Variants in LY9 observed in about 807,000 individuals in gnomAD.
The protein encoded by LY9 is T-lymphocyte surface antigen Ly-9.
LY9 carries 59 observed loss-of-function variants against 64.6 expected under a neutral mutation model. That is an observed-to-expected ratio of 0.91 (90% CI 0.74 to 1.13). The LOEUF (loss-of-function observed/expected upper bound fraction) is 1.13, where lower values mean the gene tolerates loss of function less well. Among genes scored for constraint, LY9 ranks in the 50% most tolerant of loss-of-function variants. The probability of loss-of-function intolerance (pLI) is 0.00; values close to 1 mark genes in which losing one functional copy is unlikely to be tolerated. For missense variants in LY9, 789 were observed against 797.2 expected (o/e 0.99, Z 0.12); for synonymous variants, 281 against 308.5 (o/e 0.91, Z 0.93).
intron 7 of LY9, among the ~76,000 whole-genome samples, chr1:160,820,699 C>T (rs1400691462): frequency 6.6e-6 from 1 of 152,098 alleles, no homozygotes; most frequent in Non-Finnish European, 1.5e-5. Context: ...GGGCCACCAC[C>T]ACCTCCCTAC....
At chr1:160,824,998 A>G (rs956740060) in intron 9 of LY9, among the ~76,000 whole-genome samples, 1 of 151,434 alleles carries the variant, frequency 6.6e-6, no homozygotes. Flanking sequence ...AAAAAAAAAA[A>G]AAATTCCCAG....
In LY9 at chr1:160,816,805, A is replaced by G. The variant is rs143833717; in HGVS notation, c.1284A>G (p.Thr428=). ...SSENHPNLTC[T]ASNPVSRSSH... ...AAAATCACCCCAACCTCACATGCAC[A>G]GCCAGCAACCCTGTCAGCAGGAGTT... The change falls in exon 5 of 10, where the codon ACA becomes ACG. Residue 428 remains threonine, a synonymous_variant. Transcript: ENST00000263285. 1.9e-6 allele frequency: 3 copies of G among 1,614,126 alleles called. No individual in the cohort carries two copies. Among genetic ancestry groups the G allele is most frequent in the Non-Finnish European group, 2.5e-6 (3 of 1,180,056 alleles).
intron 2 of LY9, chr1:160,802,893 T>C (rs1666638558): frequency 6.4e-6 from 1 of 155,964 alleles, no homozygotes. Context: ...TACAGTATAC[T>C]GAAGTCGAGT....
In LY9 at chr1:160,799,976, G is replaced by A. The variant is rs1666289842; in HGVS notation, c.348G>A (p.Leu116=). The change falls in exon 2 of 10, where the codon CTG becomes CTA. Residue 116 remains leucine, a synonymous_variant. Coordinates refer to ENST00000263285, the MANE Select transcript of LY9 (RefSeq NM_002348.4). ...ACATCACCAAGTGGAGTTACTCCCT[G>A]TGCATCAGCAATCTGACTCTGAATG... The part of the protein sequence containing the change: ...RLDITKWSYS[L]CISNLTLNDA... 1.2e-6 allele frequency: 2 copies of A among 1,614,132 alleles called. No individual in the cohort carries two copies. Among genetic ancestry groups the A allele is most frequent in the East Asian group, 4.5e-5 (2 of 44,884 alleles).
intron 9 of LY9, among the ~76,000 whole-genome samples, chr1:160,825,781 G>T (rs910678516): frequency 6.6e-6 from 1 of 152,002 alleles, no homozygotes; most frequent in Non-Finnish European, 1.5e-5. Context: ...GTGGTGGCAG[G>T]CACCTGTAAT....
intron 2 of LY9, among the ~76,000 whole-genome samples, chr1:160,803,031 CA>C (rs1335183990): frequency 6.6e-6 from 1 of 152,008 alleles, no homozygotes; most frequent in Non-Finnish European, 1.5e-5. Context: ...CCCGTAATCC[CA>C]ACACTTTGGG....
rs778407645 is a variant in LY9 at position 160,814,609 on chromosome 1, A to G, written c.920A>G (p.Asp307Gly). ...GCAGATCCACTCATTAAATCCAGGG[A>G]TCCTTACAAGAACAGGGTGTGGGTC... is the stretch of plus-strand genomic sequence containing the variant. ...ATADPLIKSRDPYKNRVWVSS... is the reference protein window; with the variant it reads ...ATADPLIKSRGPYKNRVWVSS... Residue 307 changes from aspartate to glycine, a missense_variant, in exon 4 of 10, where the codon GAT (aspartate) becomes GGT (glycine). Transcript: ENST00000263285. 3.1e-6 allele frequency: 5 copies of G among 1,614,116 alleles called. No individual in the cohort carries two copies. The highest frequency in any genetic ancestry group is 2.2e-5 in the East Asian group (1 of 44,874).
At chr1:160,798,595 C>T (rs1666126729) in intron 1 of LY9, among the ~76,000 whole-genome samples, 2 of 152,132 alleles carry the variant, frequency 1.3e-5, no homozygotes, top group Admixed American at 6.5e-5. Flanking sequence ...TCCAGGATCC[C>T]TAGCCCTGCA....
At chr1:160,818,609 A>G (rs1217487037) in intron 6 of LY9, among the ~76,000 whole-genome samples, 1 of 152,308 alleles carries the variant, frequency 6.6e-6, no homozygotes, top group African/African-American at 2.4e-5. Flanking sequence ...TAGAGCTGGC[A>G]TAATGGAGAA....
intron 9 of LY9, chr1:160,824,562 C>A (rs1489174827): frequency 1.4e-5 from 14 of 984,728 alleles, no homozygotes; most frequent in East Asian, 1.1e-4. Context: ...CTATCTCTAA[C>A]CCTAATCCTA....
At position 160,814,683 on chromosome 1, in the gene LY9, G is replaced by T. The variant is rs752635349; in HGVS notation, c.994G>T (p.Ala332Ser). 1.1e-5 allele frequency: 17 copies of T among 1,614,146 alleles called. No individual in the cohort carries two copies. The highest frequency in any genetic ancestry group is 1.4e-5 in the Non-Finnish European group (17 of 1,180,006). Residue 332 changes from alanine to serine, a missense_variant, in exon 4 of 10, where the codon GCC becomes TCC. Physicochemically the swap from Ala to Ser is moderately conservative, Grantham distance 99 (BLOSUM62 1). Coordinates refer to ENST00000263285, the MANE Select transcript of LY9 (RefSeq NM_002348.4). ...LKISQLKIED[A>S]GPYHAYVCSE... ...GATCAGCCAGCTGAAGATAGAGGAC[G>T]CCGGCCCCTACCATGCCTACGTGTG...
chr1:160,824,678 C>G, intron 9 of LY9: 1 of 981,542 alleles, frequency 1.0e-6, no homozygotes, highest in Non-Finnish European at 1.2e-6. Context: ...TAGTTTTATT[C>G]TAGTGTTTAA....
chr1:160,817,511 A>T (rs939716130), intron 5 of LY9, among the ~76,000 whole-genome samples: 2 of 152,232 alleles, frequency 1.3e-5, no homozygotes, highest in Non-Finnish European at 2.9e-5. Context: ...GCTGATATGG[A>T]AAGGGATGTG....
intron 9 of LY9, 79 bp from the exon 10 acceptor site, chr1:160,827,669 G>A (rs1668930693): frequency 8.9e-7 from 1 of 1,127,428 alleles, no homozygotes; most frequent in South Asian, 1.4e-5. Context: ...TCATAGCCTG[G>A]CCTTGCCTTC....
At chr1:160,806,347 A>T (rs927615053) in intron 2 of LY9, among the ~76,000 whole-genome samples, 13 of 152,072 alleles carry the variant, frequency 8.5e-5, no homozygotes, top group African/African-American at 2.9e-4. Context: ...TTTACAAATG[A>T]GTTTTATACT....
chr1:160,802,015 G>A (rs756545883), intron 2 of LY9: 8 of 1,494,242 alleles, frequency 5.4e-6, no homozygotes, highest in Non-Finnish European at 7.1e-6. Flanking sequence ...ACCCTGCCAG[G>A]CCCAGTGCCA....
rs1176169213 is a variant in LY9, at chr1:160,813,528, G to A, written c.455-108G>A. On this transcript the variant is annotated intron_variant, in intron 2 of 9. Coordinates refer to ENST00000263285, the MANE Select transcript of LY9 (RefSeq NM_002348.4). ...AGATGTCCCTGCGACAGGTAACGCT[G>A]GCCTCTCTCTGCTGCCCCCAACTCC... 4 of 1,088,796 alleles carry A rather than the reference G, an allele frequency of 3.7e-6. No homozygotes were observed. In the African/African-American group the frequency reaches 6.3e-5, roughly 17 times the overall value. 67.4% of individuals were successfully genotyped at this position (1,088,796 alleles called of 1,614,324 possible).
chr1:160,805,919 C>CTTT (rs60244350), intron 2 of LY9, among the ~76,000 whole-genome samples: 15 of 72,440 alleles, frequency 2.1e-4, no homozygotes, highest in African/African-American at 5.6e-4. Flanking sequence ...CATTCTTTGT[C>CTTT]TTTTTTTTTT....
rs774160162 is a variant in LY9, at chr1:160,816,670, C to T, written c.1149C>T (p.Cys383=). 17 of 1,614,180 alleles carry T rather than the reference C, an allele frequency of 1.1e-5. No individual in the cohort carries two copies. Among genetic ancestry groups the T allele is most frequent in the Non-Finnish European group, 1.4e-5 (17 of 1,180,002 alleles). Residue 383 remains cysteine, a synonymous_variant, in exon 5 of 10, where the codon TGC becomes TGT. Transcript: ENST00000263285. ...GCATCTGCAGGATCAGCCTGACCTG[C>T]TCCGTGGAGGACGGGGGAAACACTG... ...EDGICRISLT[C]SVEDGGNTVM...
Sources: gnomAD v4.1 joint callset for allele counts (sites outside exome capture counted in the v4.1 genomes callset) on GRCh38, gnomAD v4.1.1 for gene constraint, MANE v1.5 for transcripts, NCBI Gene and HGNC (gene_info 2026-07-23, HGNC 2026-07-21) for gene names.